The following KLHL33 variants were observed in gnomAD, a reference collection of about 807,000 sequenced individuals.
KLHL33 encodes kelch-like protein 33.
KLHL33 carries 46 observed loss-of-function variants against 60.8 expected under a neutral mutation model. The observed-to-expected ratio is 0.76, with a 90% CI of 0.60 to 0.97. The LOEUF (loss-of-function observed/expected upper bound fraction) is 0.97, where lower values mean the gene tolerates loss of function less well. Among genes scored for constraint, KLHL33 ranks in the 50% least tolerant of loss-of-function variants. The probability of loss-of-function intolerance (pLI) is 0.00; values close to 1 mark genes in which losing one functional copy is unlikely to be tolerated. For missense variants in KLHL33, 1,055 were observed against 1,000.0 expected (o/e 1.05, Z -0.74); for synonymous variants, 434 against 432.2 (o/e 1.00, Z -0.05).
chr14:20,429,277 G>A lies in KLHL33; in HGVS notation c.1966C>T (p.Pro656Ser), dbSNP rs1446575604. The change falls in exon 5 of 5, where the codon CCC becomes TCC. Residue 656 changes from proline to serine, a missense_variant. By Grantham distance (74) the Pro-to-Ser change is moderately conservative (BLOSUM62 -1). Transcript: ENST00000636854. ...AACGTCCCTGGCTTCTCAAGTTTGGGGTCATAGTGCATCAGTGAGGCCAGG... is the reference window on the plus strand; with the variant it reads ...AACGTCCCTGGCTTCTCAAGTTTGGAGTCATAGTGCATCAGTGAGGCCAGG... ...QYLASLMHYD[P>S]KLEKPGTFLS... 6.4e-7 allele frequency: 1 copy of A among 1,551,560 alleles called. No homozygotes were observed. Among genetic ancestry groups the A allele is most frequent in the African/African-American group, 1.4e-5 (1 of 73,028 alleles).
rs558348355 is a variant in KLHL33, at chr14:20,430,168, T to G, written c.1300A>C (p.Arg434=). The change falls in exon 3 of 5, where the codon AGG becomes CGG. Residue 434 remains arginine (R), a synonymous_variant. Coordinates refer to ENST00000636854, the MANE Select transcript of KLHL33 (RefSeq NM_001365790.2). ...RCVRFGRMST[R]ELRRVRAAGL... ...GCTGCCCGCACCCTCCGCAACTCCC[T>G]GGTGGACATGCGGCCAAAGCGGACA... is the stretch of plus-strand genomic sequence containing the variant. 1.5e-4 allele frequency: 233 copies of G among 1,551,534 alleles called. 5 individuals carry two copies. The South Asian group carries it at 2.5e-3, about 17-fold the overall frequency.
chr14:20,432,519 A>G (rs963348115), intron 2 of KLHL33, among the ~76,000 whole-genome samples: 2 of 152,228 alleles, frequency 1.3e-5, no homozygotes, highest in African/African-American at 2.4e-5. Context: ...CTTAAGAGAC[A>G]TGCAACTGAG....
At chr14:20,432,013 C>T (rs930733252) in intron 2 of KLHL33, among the ~76,000 whole-genome samples, 1 of 152,096 alleles carries the variant, frequency 6.6e-6, no homozygotes, top group African/African-American at 2.4e-5. Context: ...CTGTTCAACT[C>T]TTTAGATCTA....
In KLHL33 at chr14:20,429,842, C is replaced by A; in HGVS notation, c.1626G>T (p.Gly542=). 2 of 1,550,530 alleles carry A rather than the reference C, an allele frequency of 1.3e-6. No homozygotes were observed. Among genetic ancestry groups the A allele is most frequent in the Non-Finnish European group, 1.7e-6 (2 of 1,146,256 alleles). The change falls in exon 3 of 5, where the codon GGG becomes GGT. Residue 542 remains glycine, a synonymous_variant. Coordinates refer to ENST00000636854, the MANE Select transcript of KLHL33 (RefSeq NM_001365790.2). ...TGGAGTGACTGTAGAAATCTTGTCC[C>A]CCACACACATAGAGTTCACTTCCTG... ...SLAGSELYVC[G]GQDFYSHSNT...
chr14:20,430,644 C>G lies in KLHL33; in HGVS notation c.824G>C (p.Gly275Ala). ...MLLSGMRESQ[G>A]TEVSLRTIST... is the part of the protein sequence containing the mutation. ...GATCGTCCGCAGAGATACCTCTGTG[C>G]CCTGGGATTCCCTCATCCCGCTCAG... Residue 275 changes from glycine (G) to alanine (A), a missense_variant, in exon 3 of 5, where the codon GGC (glycine) becomes GCC (alanine). Physicochemically the swap from Gly to Ala is moderately conservative, Grantham distance 60 (BLOSUM62 0). Coordinates refer to ENST00000636854, the MANE Select transcript of KLHL33 (RefSeq NM_001365790.2). 1 of 1,535,346 alleles carries G rather than the reference C, an allele frequency of 6.5e-7. No individual in the cohort carries two copies. Among genetic ancestry groups the G allele is most frequent in the Non-Finnish European group, 8.7e-7 (1 of 1,146,748 alleles).
chr14:20,429,062 C>T lies in KLHL33; in HGVS notation c.2181G>A (p.Leu727=). The change falls in exon 5 of 5, where the codon CTG becomes CTA. Residue 727 remains leucine, a synonymous_variant. Coordinates refer to ENST00000636854, the MANE Select transcript of KLHL33 (RefSeq NM_001365790.2). ...SPHVGAASAV[L]QGELLVLGGY... ...CCCCGAGCACCAGTAGCTCCCCCTG[C>T]AGCACAGCACTTGCAGCCCCCACAT... 1.3e-6 allele frequency: 2 copies of T among 1,551,730 alleles called. No individual in the cohort carries two copies. The highest frequency in any genetic ancestry group is 8.7e-7 in the Non-Finnish European group (1 of 1,146,992).
At position 20,430,762 on chromosome 14, in the gene KLHL33, C is replaced by T. The variant is rs115299199; in HGVS notation, c.749-43G>A. ...GAATAGAGGAGGACTCAAAGTATTG[C>T]AAGACCGATAGGCATTACCCCAACT... On this transcript the variant is annotated intron_variant, in intron 2 of 4. Transcript: ENST00000636854. 5.0e-3 allele frequency: 6,823 copies of T among 1,358,122 alleles called. 38 individuals carry two copies. Among genetic ancestry groups the T allele is most frequent in the Middle Eastern group, 9.1e-3 (34 of 3,734 alleles). 84.1% of individuals were successfully genotyped at this position (1,358,122 alleles called of 1,614,324 possible). A position where few individuals can be genotyped will look rare whatever the true frequency, so the allele number is the denominator to read the frequency against.
chr14:20,433,729 G>C (rs1880594032), intron 2 of KLHL33, among the ~76,000 whole-genome samples: 1 of 152,196 alleles, frequency 6.6e-6, no homozygotes, highest in Non-Finnish European at 1.5e-5. Flanking sequence ...CAAAAGCCTA[G>C]TGAGAATTTT....
chr14:20,435,770 C>T lies in KLHL33; in HGVS notation c.42G>A (p.Glu14=). 1.6e-6 allele frequency: 2 copies of T among 1,234,476 alleles called. No individual in the cohort carries two copies. The highest frequency in any genetic ancestry group is 8.4e-5 in the Admixed American group (2 of 23,732). The allele number at this position is 1,234,476 out of a possible 1,614,324, so 76.5% of individuals were successfully genotyped here. A position where few individuals can be genotyped will look rare whatever the true frequency, so the allele number is the denominator to read the frequency against. Residue 14 remains glutamate (E), a synonymous_variant, in exon 2 of 5, where the codon GAG becomes GAA. Transcript: ENST00000636854. The stretch of plus-strand genomic sequence containing the variant: ...CCCTCTGGACGGGATGAGAGACACT[C>T]TCCAGCTCAGGGGGATAATGTGGGG... ...SDTPHYPPEL[E]SVSHPVQRDC...
In KLHL33 at chr14:20,435,668, A is replaced by T. The variant is rs1486637480; in HGVS notation, c.144T>A (p.Pro48=). The stretch of plus-strand genomic sequence containing the variant: ...AACCAGGCTCCTCCAGAGGAAAGGA[A>T]GGCAATCTGGGATCCTCGTCGGGGG... ...PPSPDEDPRL[P]SFPLEEPGSR... The change falls in exon 2 of 5, where the codon CCT becomes CCA. Residue 48 remains proline, a synonymous_variant. Transcript: ENST00000636854. 7.3e-6 allele frequency: 9 copies of T among 1,234,870 alleles called. No individual in the cohort carries two copies. Among genetic ancestry groups the T allele is most frequent in the Non-Finnish European group, 8.1e-6 (8 of 988,510 alleles). The allele number at this position is 1,234,870 out of a possible 1,614,324, so 76.5% of individuals were successfully genotyped here. A position where few individuals can be genotyped will look rare whatever the true frequency, so the allele number is the denominator to read the frequency against.
rs369222338 is a variant in KLHL33, at chr14:20,429,296, G to A, written c.1947C>T (p.Ala649=). ...GGCGGTGQYL[A]SLMHYDPKLE... Reference sequence around the variant, plus strand: ...GTTTGGGGTCATAGTGCATCAGTGAGGCCAGGTATTGGCCAGTCCCACCAC... The same window carrying A: ...GTTTGGGGTCATAGTGCATCAGTGAAGCCAGGTATTGGCCAGTCCCACCAC... The change falls in exon 5 of 5, where the codon GCC becomes GCT. Residue 649 remains alanine (A), a synonymous_variant. Coordinates refer to ENST00000636854, the MANE Select transcript of KLHL33 (RefSeq NM_001365790.2). 14 of 1,551,570 alleles carry A rather than the reference G, an allele frequency of 9.0e-6. No homozygotes were observed. The highest frequency in any genetic ancestry group is 1.4e-5 in the African/African-American group (1 of 73,042).
chr14:20,433,844 C>G (rs1880597840), intron 2 of KLHL33, among the ~76,000 whole-genome samples: 1 of 152,172 alleles, frequency 6.6e-6, no homozygotes, highest in Non-Finnish European at 1.5e-5. Flanking sequence ...CACTTCAGTT[C>G]CCAGTCACTC....
rs1880311377 is a variant in KLHL33, at chr14:20,427,182, A to T, written c.*1667T>A. On this transcript the variant is annotated 3_prime_UTR_variant, in exon 5 of 5. Transcript: ENST00000636854. The stretch of plus-strand genomic sequence containing the variant: ...CATGTACCCTAAAACTTAAAGTATA[A>T]TAATAATAAAATAAAATAAATTAAA... 6.6e-6 allele frequency: 1 copy of T among 150,804 alleles called. No individual in the cohort carries two copies. The highest frequency in any genetic ancestry group is 1.5e-5 in the Non-Finnish European group (1 of 67,794). The allele number at this position is 150,804 out of a possible 1,614,324, so 9.3% of individuals were successfully genotyped here. A position where few individuals can be genotyped will look rare whatever the true frequency, so the allele number is the denominator to read the frequency against.
chr14:20,430,150 G>A lies in KLHL33; in HGVS notation c.1318C>T (p.Arg440Trp), dbSNP rs546054192. The A allele has an allele frequency of 1.4e-4, 224 of 1,551,438 alleles. 1 individual carries two copies. In the South Asian group the frequency reaches 2.4e-3, roughly 16 times the overall value. ...RMSTRELRRVRAAGLLPPLTP... is the reference protein window; with the variant it reads ...RMSTRELRRVWAAGLLPPLTP... ...AGGGGTGGAAGTAGCCCGGCTGCCC[G>A]CACCCTCCGCAACTCCCTGGTGGAC... Residue 440 changes from arginine (R) to tryptophan (W), a missense_variant, in exon 3 of 5, where the codon CGG (arginine) becomes TGG (tryptophan). Transcript: ENST00000636854.
In KLHL33 at chr14:20,429,811, G is replaced by C; in HGVS notation, c.1657C>G (p.Leu553Val). The change falls in exon 3 of 5, where the codon CTG becomes GTG. Residue 553 changes from leucine to valine, a missense_variant. Physicochemically the swap from Leu to Val is conservative, Grantham distance 32. Transcript: ENST00000636854. ...AGCTTATACCTGAGAGTTGAAGCCA[G>C]GGTGTTGGAGTGACTGTAGAAATCT... ...GQDFYSHSNT[L>V]ASTLRWEPSQ... is the part of the protein sequence containing the mutation. The C allele has an allele frequency of 6.5e-7, 1 of 1,538,226 alleles. No homozygotes were observed. The highest frequency in any genetic ancestry group is 8.8e-7 in the Non-Finnish European group (1 of 1,139,322).
Position 20,435,803 on chromosome 14 carries a change from G to A in KLHL33, c.9C>T (p.Val3=), listed in dbSNP as rs1880678048. 7 of 1,234,660 alleles carry A rather than the reference G, an allele frequency of 5.7e-6. No individual in the cohort carries two copies. Among genetic ancestry groups the A allele is most frequent in the Non-Finnish European group, 7.1e-6 (7 of 988,488 alleles). 76.5% of individuals were successfully genotyped at this position (1,234,660 alleles called of 1,614,324 possible). A position where few individuals can be genotyped will look rare whatever the true frequency, so the allele number is the denominator to read the frequency against. ...CAGGGGGATAATGTGGGGTGTCCGA[G>A]ACGCTCATGCCGAGGTTTGCTGGAT... MS[V]SDTPHYPPEL... Residue 3 remains valine, a synonymous_variant, in exon 2 of 5, where the codon GTC becomes GTT. Transcript: ENST00000636854.
rs1256595885 is a variant in KLHL33 at position 20,428,188 on chromosome 14, G to C, written c.*661C>G. ...ACACTCCTGCCACATGGCCCTGGGG[G>C]GCCCGTCAGGCCTCTCAGGCCCCTG... On this transcript the variant is annotated 3_prime_UTR_variant, in exon 5 of 5. Coordinates refer to ENST00000636854, the MANE Select transcript of KLHL33 (RefSeq NM_001365790.2). 1 of 152,464 alleles carries C rather than the reference G, an allele frequency of 6.6e-6. No individual in the cohort carries two copies. The highest frequency in any genetic ancestry group is 6.5e-5 in the Admixed American group (1 of 15,298). 9.4% of individuals were successfully genotyped at this position (152,464 alleles called of 1,614,324 possible). A position where few individuals can be genotyped will look rare whatever the true frequency, so the allele number is the denominator to read the frequency against.
At chr14:20,432,938 G>GAAAGAAAGAAAGAAAGAA (rs1880559827) in intron 2 of KLHL33, among the ~76,000 whole-genome samples, 1 of 147,362 alleles carries the variant, frequency 6.8e-6, no homozygotes, top group Non-Finnish European at 1.5e-5. Flanking sequence ...AAGAAAGAAA[G>GAAAGAAAGAAAGAAAGAA]AAAGAAAGAA....
In KLHL33 at chr14:20,435,593, C is replaced by T. The variant is rs935265459; in HGVS notation, c.219G>A (p.Glu73=). The T allele has an allele frequency of 8.3e-5, 103 of 1,234,680 alleles. No homozygotes were observed. The highest frequency in any genetic ancestry group is 1.0e-4 in the Non-Finnish European group (100 of 988,434). The allele number at this position is 1,234,680 out of a possible 1,614,324, so 76.5% of individuals were successfully genotyped here. A position where few individuals can be genotyped will look rare whatever the true frequency, so the allele number is the denominator to read the frequency against. The change falls in exon 2 of 5, where the codon GAG becomes GAA. Residue 73 remains glutamate, a synonymous_variant. Coordinates refer to ENST00000636854, the MANE Select transcript of KLHL33 (RefSeq NM_001365790.2). ...CATCTTCTTCCTCTTCCTCTTCTTC[C>T]TCTAGGGACAAGGCTGGAAAGGGAA... ...RNLPFPALSL[E]EEEEEEEDED...
Sources: allele counts gnomAD v4.1 joint callset (sites outside exome capture counted in the v4.1 genomes callset), GRCh38; gene constraint gnomAD v4.1.1; transcripts MANE v1.5; gene names NCBI Gene and HGNC (gene_info 2026-07-23, HGNC 2026-07-21).